The following PSD3 variants were observed in gnomAD, a reference collection of about 807,000 sequenced individuals.
PSD3 encodes pleckstrin and Sec7 domain containing 3, also known as PH and SEC7 domain-containing protein 3.
A neutral mutation model predicts 105.5 loss-of-function variants in PSD3; 49 were observed. The observed-to-expected ratio is 0.46, with a 90% CI of 0.37 to 0.59. The LOEUF is 0.59. Among genes scored for constraint, PSD3 ranks in the 20% least tolerant of loss-of-function variants. The pLI, the probability that PSD3 is intolerant of heterozygous loss-of-function variation, is 0.00. For synonymous variants in PSD3, 557 were observed against 457.8 expected (o/e 1.22, Z -2.77); for missense variants, 1,561 against 1,263.8 (o/e 1.24, Z -3.57).
intron 4 of PSD3, among the ~76,000 whole-genome samples, chr8:18,825,826 T>C (rs1813136464): frequency 6.6e-6 from 1 of 152,206 alleles, no homozygotes; most frequent in Admixed American, 6.5e-5. Flanking sequence ...ATTCACAGTC[T>C]CTTCATTTGA....
At chr8:18,969,944 T>G (rs919564723) in intron 1 of PSD3, among the ~76,000 whole-genome samples, 1 of 152,228 alleles carries the variant, frequency 6.6e-6, no homozygotes, top group Non-Finnish European at 1.5e-5. Flanking sequence ...ATTTTAAAAG[T>G]TTATGTATAT....
chr8:18,532,130 T>G lies in PSD3; in HGVS notation c.*3613A>C, dbSNP rs990277804. 1.3e-5 allele frequency: 2 copies of G among 152,206 alleles called. No homozygotes were observed. The highest frequency in any genetic ancestry group is 3.4e-3 in the Middle Eastern group (1 of 294). The allele number at this position is 152,206 out of a possible 1,614,324, so 9.4% of individuals were successfully genotyped here. A position where few individuals can be genotyped will look rare whatever the true frequency, so the allele number is the denominator to read the frequency against. On this transcript the variant is annotated 3_prime_UTR_variant, in exon 16 of 16. Transcript: ENST00000327040. The stretch of plus-strand genomic sequence containing the variant: ...CAATGATTAGTTAAAAAGAAAAGAG[T>G]GCAGCTCATGACAAGCAGGCCCTGC...
chr8:18,871,647 T>G lies in PSD3; in HGVS notation c.1217A>C (p.Lys406Thr). The stretch of plus-strand genomic sequence containing the variant: ...TCACCTTTCCCTGTCTCTCTCTGGT[T>G]TAGGTGTCTTCTCAAGATGCTGTTT... ...ENKQHLEKTPKPERDRERISE... is the reference protein window; with the variant it reads ...ENKQHLEKTPTPERDRERISE... Residue 406 changes from lysine (K) to threonine (T), a missense_variant, in exon 3 of 16, where the codon AAA becomes ACA. Coordinates refer to ENST00000327040, the MANE Select transcript of PSD3 (RefSeq NM_015310.4). The G allele has an allele frequency of 6.2e-7, 1 of 1,610,518 alleles. No individual in the cohort carries two copies. Among genetic ancestry groups the G allele is most frequent in the Non-Finnish European group, 8.5e-7 (1 of 1,178,258 alleles).
intron 1 of PSD3, among the ~76,000 whole-genome samples, chr8:19,035,475 T>C (rs1827909752): frequency 6.6e-6 from 1 of 152,014 alleles, no homozygotes; most frequent in South Asian, 2.1e-4. Flanking sequence ...TTTCCATTAA[T>C]AGTAATAATT....
chr8:18,652,456 A>C (rs939794283), intron 10 of PSD3, among the ~76,000 whole-genome samples: 6 of 146,856 alleles, frequency 4.1e-5, no homozygotes, highest in African/African-American at 1.5e-4. Context: ...AAATAATTAT[A>C]TCCATGTACA....
At chr8:18,545,179 A>T (rs955864611) in intron 15 of PSD3, among the ~76,000 whole-genome samples, 2 of 152,154 alleles carry the variant, frequency 1.3e-5, no homozygotes, top group African/African-American at 4.8e-5. Flanking sequence ...TCAGCTTTTC[A>T]TCTCTTTTTT....
chr8:18,702,032 G>A (rs777009845), intron 9 of PSD3, among the ~76,000 whole-genome samples: 2 of 152,114 alleles, frequency 1.3e-5, no homozygotes, highest in Admixed American at 6.6e-5. Flanking sequence ...GAGTGCATTC[G>A]TTTCAGCATT....
chr8:18,967,240 C>G (rs1162105059), intron 1 of PSD3, among the ~76,000 whole-genome samples: 3 of 151,994 alleles, frequency 2.0e-5, no homozygotes, highest in African/African-American at 7.3e-5. Flanking sequence ...ACGGCAACCC[C>G]TGCCTCCCAG....
intron 2 of PSD3, among the ~76,000 whole-genome samples, chr8:18,900,262 T>C (rs1028093025): frequency 3.3e-5 from 5 of 152,216 alleles, no homozygotes; most frequent in South Asian, 2.1e-4. Flanking sequence ...TCTTAAATCA[T>C]TGTAGAGTCT....
At chr8:18,848,629 T>C (rs1410407547) in intron 4 of PSD3, among the ~76,000 whole-genome samples, 1 of 152,238 alleles carries the variant, frequency 6.6e-6, no homozygotes, top group Non-Finnish European at 1.5e-5. Flanking sequence ...GGGGTGCTTC[T>C]AGAAATATTC....
At chr8:18,680,170 A>G (rs1171152700) in intron 9 of PSD3, among the ~76,000 whole-genome samples, 1 of 152,224 alleles carries the variant, frequency 6.6e-6, no homozygotes, top group African/African-American at 2.4e-5. Flanking sequence ...ACAAATATTT[A>G]GACTCAGAGG....
At chr8:18,796,731 G>C (rs576976593) in intron 8 of PSD3, among the ~76,000 whole-genome samples, 1 of 152,132 alleles carries the variant, frequency 6.6e-6, no homozygotes, top group African/African-American at 2.4e-5. Flanking sequence ...GGACAAGCTG[G>C]TCTTGGCACT....
chr8:18,535,785 A>G lies in PSD3; in HGVS notation c.3102T>C (p.Asp1034=), dbSNP rs1799813417. 1.2e-6 allele frequency: 2 copies of G among 1,613,818 alleles called. No individual in the cohort carries two copies. Among genetic ancestry groups the G allele is most frequent in the African/African-American group, 2.7e-5 (2 of 74,886 alleles). Residue 1034 remains aspartate, a synonymous_variant, in exon 16 of 16, where the codon GAT becomes GAC. Transcript: ENST00000327040. ...TAATGCTTGGTGTTTCAGGTCGGTG[A>G]TCCTTCCTCTCTGACACGTTACGCT... The part of the protein sequence containing the change: ...KVKRNVSERK[D]HRPETPSIKQ...
chr8:18,546,064 G>A (rs569933462), intron 15 of PSD3, among the ~76,000 whole-genome samples: 1 of 152,104 alleles, frequency 6.6e-6, no homozygotes, highest in African/African-American at 2.4e-5. Context: ...GCAATGGTGC[G>A]ATCTTGGCTC....
chr8:18,846,968 A>C (rs1219561201), intron 4 of PSD3, among the ~76,000 whole-genome samples: 1 of 152,104 alleles, frequency 6.6e-6, no homozygotes, highest in Non-Finnish European at 1.5e-5. Flanking sequence ...CACCCTGCCA[A>C]TCCCATGCTC....
intron 1 of PSD3, among the ~76,000 whole-genome samples, chr8:18,947,037 G>A (rs970746132): frequency 6.6e-6 from 1 of 152,034 alleles, no homozygotes; most frequent in African/African-American, 2.4e-5. Flanking sequence ...TTGGGCCAAA[G>A]GGGATGGCTC....
chr8:18,854,147 T>C (rs994581018), intron 4 of PSD3: 2 of 152,398 alleles, frequency 1.3e-5, no homozygotes, highest in Non-Finnish European at 2.9e-5. Flanking sequence ...TTGAAGAGCA[T>C]TCTCCCATTC....
chr8:18,705,854 G>A (rs1473280287), intron 9 of PSD3, among the ~76,000 whole-genome samples: 1 of 152,116 alleles, frequency 6.6e-6, no homozygotes, highest in Non-Finnish European at 1.5e-5. Flanking sequence ...ATATACAAAC[G>A]TATTTTGTAT....
chr8:18,946,166 C>T (rs910733213), intron 1 of PSD3, among the ~76,000 whole-genome samples: 1 of 152,166 alleles, frequency 6.6e-6, no homozygotes, highest in African/African-American at 2.4e-5. Flanking sequence ...AGACTTTCCA[C>T]TATAATTAAA....
Sources: gnomAD v4.1 joint callset for allele counts (sites outside exome capture counted in the v4.1 genomes callset) on GRCh38, gnomAD v4.1.1 for gene constraint, MANE v1.5 for transcripts, NCBI Gene and HGNC (gene_info 2026-07-23, HGNC 2026-07-21) for gene names.